TPO: variants seen among roughly 807,000 people sequenced by gnomAD.
The protein encoded by TPO is thyroid microsomal antigen.
In TPO, 78 loss-of-function variants were observed where a neutral mutation model predicts 96.9. The observed-to-expected ratio is 0.81, with a 90% CI of 0.67 to 0.97. The LOEUF (loss-of-function observed/expected upper bound fraction) is 0.97. Among genes scored for constraint, TPO ranks in the 50% least tolerant of loss-of-function variants. TPO has a pLI of 0.00. For synonymous variants in TPO, 547 were observed against 538.0 expected, an observed-to-expected ratio of 1.02 and a Z score of -0.23; for missense variants, 1,252 against 1,274.8, an observed-to-expected ratio of 0.98 and a Z score of 0.27.
rs1680631373 is a variant in TPO at position 1,540,614 on chromosome 2, C to A, written c.2639C>A (p.Ser880Tyr). ...CACAGGACACGCACTGGCACTAAAT[C>A]CACACTGCCCATCTCGGAGACAGGC... ...ICRWTRTGTKSTLPISETGGG... is the reference protein window; with the variant it reads ...ICRWTRTGTKYTLPISETGGG... The change falls in exon 16 of 17, where the codon TCC becomes TAC. Residue 880 changes from serine (S) to tyrosine (Y), a missense_variant. By Grantham distance (144) the Ser-to-Tyr change is moderately radical. Coordinates refer to ENST00000329066, the MANE Select transcript of TPO (RefSeq NM_001206744.2). 6.2e-7 allele frequency: 1 copy of A among 1,613,506 alleles called. No individual in the cohort carries two copies. The highest frequency in any genetic ancestry group is 1.1e-5 in the South Asian group (1 of 91,082).
At chr2:1,518,040 A>G (rs1304083267) in intron 15 of TPO, among the ~76,000 whole-genome samples, 1 of 151,880 alleles carries the variant, frequency 6.6e-6, no homozygotes, top group African/African-American at 2.4e-5. Context: ...CCCGGCCTTC[A>G]GAGCTCCTCA....
chr2:1,451,992 G>C (rs1239275858), intron 5 of TPO, among the ~76,000 whole-genome samples: 3 of 151,904 alleles, frequency 2.0e-5, no homozygotes, highest in African/African-American at 7.3e-5. Flanking sequence ...GTATGCTCAT[G>C]TTATATATTT....
intron 1 of TPO, among the ~76,000 whole-genome samples, chr2:1,386,362 G>T (rs750452927): frequency 5.3e-5 from 8 of 152,090 alleles, no homozygotes; most frequent in Non-Finnish European, 8.8e-5. Flanking sequence ...TCTCTTTGTA[G>T]GTCTCTAAGG....
chr2:1,395,915 G>A (rs1662072607), intron 1 of TPO, among the ~76,000 whole-genome samples: 1 of 152,202 alleles, frequency 6.6e-6, no homozygotes. Flanking sequence ...GGCCTCCCCA[G>A]CCATGTGGAA....
chr2:1,408,824 T>C (rs1662285048), upstream of TPO, among the ~76,000 whole-genome samples: 2 of 152,182 alleles, frequency 1.3e-5, no homozygotes, highest in Non-Finnish European at 2.9e-5. Flanking sequence ...TTTAATGCCT[T>C]GTTTTGTCCA....
chr2:1,451,256 C>G (rs1239557590), intron 5 of TPO, among the ~76,000 whole-genome samples: 1 of 152,124 alleles, frequency 6.6e-6, no homozygotes, highest in African/African-American at 2.4e-5. Context: ...CAAATGTTGC[C>G]CAGGTTACAA....
intron 16 of TPO, chr2:1,540,946 CA>C: frequency 6.6e-7 from 1 of 1,512,538 alleles, no homozygotes; most frequent in East Asian, 2.6e-5. Flanking sequence ...TCCATTTGTA[CA>C]AACCGGTTCC....
At chr2:1,434,374 A>G (rs1179287141) in intron 4 of TPO, among the ~76,000 whole-genome samples, 1 of 152,238 alleles carries the variant, frequency 6.6e-6, no homozygotes, top group Non-Finnish European at 1.5e-5. Context: ...CTTAGCTTTT[A>G]GAATAAGACA....
chr2:1,448,390 G>T (rs1263766682), intron 5 of TPO, among the ~76,000 whole-genome samples: 1 of 152,156 alleles, frequency 6.6e-6, no homozygotes, highest in Admixed American at 6.5e-5. Flanking sequence ...CGACCCGAGG[G>T]TCGGCTGCTC....
chr2:1,527,528 C>T (rs1382743752), intron 15 of TPO, among the ~76,000 whole-genome samples: 1 of 147,770 alleles, frequency 6.8e-6, no homozygotes, highest in African/African-American at 2.5e-5. Context: ...TGTGCAACTT[C>T]CCTAAATCCC....
intron 16 of TPO, 99 bp downstream of exon 16, chr2:1,540,822 G>GT (rs1308685074): frequency 1.3e-6 from 2 of 1,599,074 alleles, no homozygotes; most frequent in Non-Finnish European, 1.7e-6. Flanking sequence ...GCATATTTCT[G>GT]TTTACTCCGT....
rs1342964306 is a variant in TPO at position 1,456,267 on chromosome 2, A to C, written c.804A>C (p.Pro268=). The C allele has an allele frequency of 1.7e-5, 28 of 1,613,962 alleles. No homozygotes were observed. Among genetic ancestry groups the C allele is most frequent in the Non-Finnish European group, 2.4e-5 (28 of 1,180,016 alleles). ...AGATGACTTGTGAGAACCAAAACCCATGTTTTCCCATACAAGTAAGTTTTA... is the reference window on the plus strand; with the variant it reads ...AGATGACTTGTGAGAACCAAAACCCCTGTTTTCCCATACAAGTAAGTTTTA... ...DCQMTCENQN[P]CFPIQLPEEA... The change falls in exon 7 of 17, where the codon CCA becomes CCC. Residue 268 remains proline, a synonymous_variant. Coordinates refer to ENST00000329066, the MANE Select transcript of TPO (RefSeq NM_001206744.2).
chr2:1,404,427 T>C (rs760094651), intron 1 of TPO, among the ~76,000 whole-genome samples: 9 of 152,176 alleles, frequency 5.9e-5, no homozygotes, highest in Non-Finnish European at 1.0e-4. Flanking sequence ...GTTCCTAAGT[T>C]AAAGGGCTGA....
At chr2:1,462,020 T>A (rs1005072507) in intron 7 of TPO, among the ~76,000 whole-genome samples, 4 of 152,208 alleles carry the variant, frequency 2.6e-5, no homozygotes, top group African/African-American at 9.6e-5. Flanking sequence ...TCCTCCTTTC[T>A]TTTTAGGGCT....
intron 7 of TPO, among the ~76,000 whole-genome samples, chr2:1,457,613 AGTGT>A (rs1386386050): frequency 3.3e-5 from 5 of 150,876 alleles, no homozygotes; most frequent in Non-Finnish European, 5.9e-5. Flanking sequence ...CATGTATGAT[AGTGT>A]GTGGGCAGAT....
At chr2:1,471,497 T>C (rs980183193) in intron 7 of TPO, among the ~76,000 whole-genome samples, 1 of 151,102 alleles carries the variant, frequency 6.6e-6, no homozygotes, top group African/African-American at 2.4e-5. Flanking sequence ...TCAAAATAGG[T>C]TTTAATTCAA....
At position 1,380,211 on chromosome 2, in the gene TPO, G is replaced by A. The variant is rs748506410; in HGVS notation, n.180+5809G>A. Among the ~76,000 whole-genome samples, 81 of 151,812 alleles carry A rather than the reference G, an allele frequency of 5.3e-4. 1 individual carries two copies. The highest frequency in any genetic ancestry group is 3.8e-3 in the Admixed American group (58 of 15,224). On this transcript the variant is annotated intron_variant and non_coding_transcript_variant, in intron 1 of 5. Transcript: ENST00000497517. ...AGATCAAGACCATCCTGGCTAATAC[G>A]GTGAAACCCCGTCTCTACTAAAAAT...
chr2:1,429,686 G>C (rs1171434006), intron 3 of TPO, among the ~76,000 whole-genome samples: 1 of 152,194 alleles, frequency 6.6e-6, no homozygotes, highest in Non-Finnish European at 1.5e-5. Flanking sequence ...TGGAGGTAGA[G>C]GCCGCCTGTG....
intron 1 of TPO, among the ~76,000 whole-genome samples, chr2:1,386,446 A>C (rs1214686675): frequency 6.6e-6 from 1 of 152,122 alleles, no homozygotes; most frequent in Admixed American, 6.5e-5. Flanking sequence ...TGTTGAATTG[A>C]TCCCTTTACC....
Sources: allele counts gnomAD v4.1 joint callset (sites outside exome capture counted in the v4.1 genomes callset), GRCh38; gene constraint gnomAD v4.1.1; transcripts MANE v1.5; gene names NCBI Gene and HGNC (gene_info 2026-07-23, HGNC 2026-07-21).